Variants in KIF13B observed in about 807,000 individuals in gnomAD.
KIF13B encodes the protein kinesin family member 13B.
A neutral mutation model predicts 222.0 loss-of-function variants in KIF13B; 127 were observed. The ratio of observed to expected loss-of-function variants is 0.57; its 90% confidence interval spans 0.50 to 0.66. KIF13B has a LOEUF of 0.66. KIF13B is among the 30% of genes least tolerant of loss of function. The pLI is 0.00. For missense variants in KIF13B, 2,173 were observed against 2,379.0 expected, an observed-to-expected ratio of 0.91 and a Z score of 1.80; for synonymous variants, 976 against 919.0, an observed-to-expected ratio of 1.06 and a Z score of -1.12.
At chr8:29,188,397 A>C (rs2130331233) in intron 5 of KIF13B, 118 bp downstream of exon 5, 5 of 597,638 alleles carry the variant, frequency 8.4e-6, no homozygotes, top group Middle Eastern at 4.3e-4. Context: ...CATCTACAGT[A>C]CTTTCTGAAA....
intron 2 of KIF13B, among the ~76,000 whole-genome samples, chr8:29,208,733 T>C (rs1049473217): frequency 6.6e-6 from 1 of 152,184 alleles, no homozygotes; most frequent in Non-Finnish European, 1.5e-5. Context: ...CAGTGACTCT[T>C]AGCTTCCTTA....
At chr8:29,109,655 T>A in intron 33 of KIF13B, 144 bp from the exon 34 acceptor site, 1 of 754,940 alleles carries the variant, frequency 1.3e-6, no homozygotes, top group Non-Finnish European at 2.3e-6. Flanking sequence ...TATTACGTAC[T>A]GCATGCCTGT....
intron 2 of KIF13B, among the ~76,000 whole-genome samples, chr8:29,198,747 T>C (rs1217277025): frequency 6.6e-6 from 1 of 152,184 alleles, no homozygotes; most frequent in Non-Finnish European, 1.5e-5. Context: ...ATGTTTATTG[T>C]AACACAGTTC....
intron 35 of KIF13B, among the ~76,000 whole-genome samples, chr8:29,106,796 T>A (rs1005018865): frequency 3.9e-5 from 6 of 152,148 alleles, no homozygotes; most frequent in Admixed American, 2.6e-4. Context: ...TTAAGAATTA[T>A]CATGAAGCAG....
intron 1 of KIF13B, 78 bp downstream of exon 1, chr8:29,262,902 C>T: frequency 8.2e-7 from 1 of 1,223,322 alleles, no homozygotes; most frequent in South Asian, 1.5e-5. Context: ...CCGCCGGACC[C>T]CCCACGGCGG....
chr8:29,108,139 C>G lies in KIF13B; in HGVS notation c.4215G>C (p.Lys1405Asn), dbSNP rs368888774. ...TGATAGAAATAGTTAAAACACCTACCTTGTTGCTGCCTAGACTGTATGATG... is the reference window on the plus strand; with the variant it reads ...TGATAGAAATAGTTAAAACACCTACGTTGTTGCTGCCTAGACTGTATGATG... ...LIPSYSLGSN[K>N]GRWESQQDVS... The change falls in exon 35 of 40, where the codon AAG (lysine) becomes AAC (asparagine). Residue 1405 changes from lysine (K) to asparagine (N), a missense_variant and splice_region_variant. Physicochemically the swap from Lys to Asn is moderately conservative, Grantham distance 94. Around this residue, in one of 2 missense-constraint regions of KIF13B, gnomAD observed 693 missense variants for 656.2 expected, o/e 1.06. Coordinates refer to ENST00000524189, the MANE Select transcript of KIF13B (RefSeq NM_015254.4). 218 of 1,609,498 alleles carry G rather than the reference C, an allele frequency of 1.4e-4. No individual in the cohort carries two copies. The highest frequency in any genetic ancestry group is 1.8e-4 in the Non-Finnish European group (210 of 1,177,572).
At chr8:29,176,877 A>G (rs559925653) in intron 9 of KIF13B, among the ~76,000 whole-genome samples, 5 of 152,072 alleles carry the variant, frequency 3.3e-5, no homozygotes, top group Non-Finnish European at 5.9e-5. Flanking sequence ...GGTAAACAAA[A>G]TATTACTTCG....
chr8:29,255,192 T>C (rs1014873302), intron 1 of KIF13B, among the ~76,000 whole-genome samples: 1 of 152,094 alleles, frequency 6.6e-6, no homozygotes, highest in African/African-American at 2.4e-5. Context: ...GTGATGAAAA[T>C]GTTCTGGAAT....
At chr8:29,186,058 C>T (rs1309430413) in intron 6 of KIF13B, among the ~76,000 whole-genome samples, 1 of 152,116 alleles carries the variant, frequency 6.6e-6, no homozygotes, top group Non-Finnish European at 1.5e-5. Context: ...ACCTCACAGC[C>T]CACAAAGAGC....
At chr8:29,146,074 G>A in intron 18 of KIF13B, 1 of 560,676 alleles carries the variant, frequency 1.8e-6, no homozygotes, top group Non-Finnish European at 3.1e-6. Context: ...AAGACATTCG[G>A]GGAAGATTAA....
At chr8:29,214,415 A>G (rs926490209) in intron 2 of KIF13B, among the ~76,000 whole-genome samples, 1 of 152,178 alleles carries the variant, frequency 6.6e-6, no homozygotes, top group Non-Finnish European at 1.5e-5. Context: ...AAACACACAC[A>G]TTAGCCTAGG....
At chr8:29,112,699 T>C (rs1809414215) in intron 32 of KIF13B, among the ~76,000 whole-genome samples, 1 of 152,074 alleles carries the variant, frequency 6.6e-6, no homozygotes, top group African/African-American at 2.4e-5. Flanking sequence ...TTTCACAGAG[T>C]CCTTCCCTTA....
intron 2 of KIF13B, among the ~76,000 whole-genome samples, chr8:29,215,215 A>C (rs6558100): frequency 0.18 from 27,345 of 151,822 alleles, 2,705 homozygotes; most frequent in African/African-American, 0.24. Context: ...GTATGTGGGG[A>C]AGGGGAGGGA....
intron 2 of KIF13B, among the ~76,000 whole-genome samples, chr8:29,224,674 T>C: frequency 6.8e-6 from 1 of 147,014 alleles, no homozygotes; most frequent in Admixed American, 6.9e-5. Flanking sequence ...CCCCCCCCAT[T>C]CATTCTATCC....
chr8:29,229,939 T>C (rs1247234477), intron 2 of KIF13B, among the ~76,000 whole-genome samples: 2 of 152,220 alleles, frequency 1.3e-5, no homozygotes, highest in African/African-American at 2.4e-5. Context: ...TATGCCAGTG[T>C]TATTTGAAAA....
chr8:29,211,818 T>G (rs1814241540), intron 2 of KIF13B, among the ~76,000 whole-genome samples: 1 of 152,224 alleles, frequency 6.6e-6, no homozygotes, highest in Admixed American at 6.5e-5. Flanking sequence ...ATTGCTAATT[T>G]CTAATTGCTT....
intron 1 of KIF13B, among the ~76,000 whole-genome samples, chr8:29,255,273 T>G (rs1816433443): frequency 6.6e-6 from 1 of 152,182 alleles, no homozygotes; most frequent in Non-Finnish European, 1.5e-5. Context: ...TTTGGGGATG[T>G]GACTTATATC....
chr8:29,208,280 T>G (rs1336607459), intron 2 of KIF13B, among the ~76,000 whole-genome samples: 1 of 152,214 alleles, frequency 6.6e-6, no homozygotes, highest in African/African-American at 2.4e-5. Context: ...GTAGTGCTAT[T>G]TAAACATATG....
chr8:29,173,947 A>AC, intron 10 of KIF13B, among the ~76,000 whole-genome samples: 1 of 152,078 alleles, frequency 6.6e-6, no homozygotes, highest in Non-Finnish European at 1.5e-5. Flanking sequence ...CGTCTCAAAA[A>AC]AAAAAAAAAA....
Sources: gnomAD v4.1 joint callset for allele counts (sites outside exome capture counted in the v4.1 genomes callset) on GRCh38, gnomAD v4.1.1 for gene constraint, gnomAD v4.1.1 regional missense constraint, MANE v1.5 for transcripts, NCBI Gene and HGNC (gene_info 2026-07-23, HGNC 2026-07-21) for gene names.